NXPH1: variants seen among roughly 807,000 people sequenced by gnomAD.
NXPH1 encodes neurexophilin-1.
A neutral mutation model predicts 23.7 loss-of-function variants in NXPH1; 5 were observed. The observed-to-expected ratio is 0.21, with a 90% CI of 0.11 to 0.44. The LOEUF is 0.44. Among genes scored for constraint, NXPH1 ranks in the 20% least tolerant of loss-of-function variants. The pLI is 0.99. For synonymous variants in NXPH1, 144 were observed against 122.2 expected, an observed-to-expected ratio of 1.18 and a Z score of -1.18; for missense variants, 324 against 321.6, an observed-to-expected ratio of 1.01 and a Z score of -0.06.
intron 2 of NXPH1, among the ~76,000 whole-genome samples, chr7:8,512,554 C>A (rs867490163): frequency 5.3e-5 from 8 of 152,114 alleles, no homozygotes; most frequent in Admixed American, 4.6e-4. Context: ...ATTAGTGGTT[C>A]GTATTTGAAT....
intron 2 of NXPH1, among the ~76,000 whole-genome samples, chr7:8,549,573 G>T (rs573668408): frequency 2.0e-5 from 3 of 151,474 alleles, no homozygotes; most frequent in Non-Finnish European, 4.4e-5. Context: ...ATGGAAGAGA[G>T]AATTACTTAT....
In NXPH1 at chr7:8,727,819, G is replaced by A. The variant is rs571317016; in HGVS notation, c.55-23189G>A. Among the ~76,000 whole-genome samples, 823 of 152,010 alleles carry A rather than the reference G, an allele frequency of 5.4e-3. 6 individuals carry two copies. The highest frequency in any genetic ancestry group is 9.4e-3 in the South Asian group (45 of 4,806). On this transcript the variant is annotated intron_variant, in intron 2 of 2. Transcript: ENST00000405863. ...TGGCTTAGGATTGACTTGGTGATGC[G>A]GGCTCTTTTTTGGTTCCATATGAAC...
At chr7:8,462,199 C>T (rs1161146406) in intron 2 of NXPH1, among the ~76,000 whole-genome samples, 2 of 152,106 alleles carry the variant, frequency 1.3e-5, no homozygotes, top group Admixed American at 1.3e-4. Context: ...CAGGCATGCG[C>T]CACCATGCCC....
chr7:8,517,272 G>A (rs1021657098), intron 2 of NXPH1, among the ~76,000 whole-genome samples: 6 of 152,126 alleles, frequency 3.9e-5, no homozygotes, highest in African/African-American at 1.4e-4. Flanking sequence ...TGGAGGCTCA[G>A]AGGTAGAGTT....
At chr7:8,561,119 T>C (rs1818436597) in intron 2 of NXPH1, among the ~76,000 whole-genome samples, 2 of 151,636 alleles carry the variant, frequency 1.3e-5, no homozygotes, top group South Asian at 4.1e-4. Flanking sequence ...CCCAGTAGGA[T>C]AGACAGATGC....
chr7:8,624,864 C>A (rs963248105), intron 2 of NXPH1, among the ~76,000 whole-genome samples: 1 of 152,044 alleles, frequency 6.6e-6, no homozygotes, highest in Non-Finnish European at 1.5e-5. Context: ...CTCCTCAGTG[C>A]AGTTTGGGGA....
intron 2 of NXPH1, among the ~76,000 whole-genome samples, chr7:8,652,874 T>C (rs1325357833): frequency 1.3e-5 from 2 of 152,208 alleles, no homozygotes; most frequent in African/African-American, 4.8e-5. Flanking sequence ...CTTTTTTGTG[T>C]AGCTTATGAA....
rs145341769 is a variant in NXPH1 at position 8,466,854 on chromosome 7, G to A, written c.54+31087G>A. Among the ~76,000 whole-genome samples the A allele has an allele frequency of 2.6e-3, 399 of 151,766 alleles. 1 individual carries two copies. The highest frequency in any genetic ancestry group is 0.01 in the Middle Eastern group (3 of 294). On this transcript the variant is annotated intron_variant, in intron 2 of 2. Transcript: ENST00000405863. ...CATTTTGTGGTTGGGAGGTGGTATA[G>A]GATAGTGGTAATGAGCACAGGGTCT...
intron 2 of NXPH1, among the ~76,000 whole-genome samples, chr7:8,582,319 G>T (rs76884061): frequency 2.6e-5 from 4 of 152,184 alleles, no homozygotes; most frequent in Non-Finnish European, 5.9e-5. Context: ...CCCTGTTTGC[G>T]TTATAGCTCT....
At chr7:8,677,874 G>A (rs1015825248) in intron 2 of NXPH1, among the ~76,000 whole-genome samples, 5 of 151,820 alleles carry the variant, frequency 3.3e-5, no homozygotes, top group Non-Finnish European at 7.4e-5. Flanking sequence ...TTTTGTCACC[G>A]AAGTAATTAG....
intron 2 of NXPH1, among the ~76,000 whole-genome samples, chr7:8,451,919 C>A (rs370895610): frequency 1.6e-4 from 24 of 152,264 alleles, no homozygotes; most frequent in South Asian, 4.1e-4. Context: ...GACTTGGGTG[C>A]ATAGGGTTCA....
chr7:8,662,609 G>C (rs1330062313), intron 2 of NXPH1, among the ~76,000 whole-genome samples: 1 of 151,926 alleles, frequency 6.6e-6, no homozygotes, highest in Non-Finnish European at 1.5e-5. Flanking sequence ...TCAAGTCTGG[G>C]TGAGTAGTAG....
intron 2 of NXPH1, among the ~76,000 whole-genome samples, chr7:8,569,019 G>A (rs1818600352): frequency 6.6e-6 from 1 of 151,840 alleles, no homozygotes; most frequent in African/African-American, 2.4e-5. Context: ...GACAATATAA[G>A]TCTATGAATT....
At chr7:8,493,574 G>A (rs1318873300) in intron 2 of NXPH1, among the ~76,000 whole-genome samples, 1 of 152,050 alleles carries the variant, frequency 6.6e-6, no homozygotes, top group Non-Finnish European at 1.5e-5. Flanking sequence ...AAACTTCATT[G>A]TTATATGACT....
At chr7:8,511,198 A>G (rs568670942) in intron 2 of NXPH1, among the ~76,000 whole-genome samples, 1 of 152,286 alleles carries the variant, frequency 6.6e-6, no homozygotes, top group Admixed American at 6.5e-5. Context: ...TAGTGATAAC[A>G]GGCAATCTGG....
At chr7:8,656,248 G>A (rs1040608452) in intron 2 of NXPH1, among the ~76,000 whole-genome samples, 4 of 152,254 alleles carry the variant, frequency 2.6e-5, no homozygotes, top group African/African-American at 7.2e-5. Flanking sequence ...ATGAGTAAGC[G>A]TTACTTGCTT....
intron 2 of NXPH1, among the ~76,000 whole-genome samples, chr7:8,524,954 G>A (rs1817839365): frequency 6.6e-6 from 1 of 152,186 alleles, no homozygotes. Flanking sequence ...TAGGAGTGGG[G>A]TATCACTGAA....
At chr7:8,723,932 C>G (rs989876301) in intron 2 of NXPH1, among the ~76,000 whole-genome samples, 1 of 152,180 alleles carries the variant, frequency 6.6e-6, no homozygotes, top group Non-Finnish European at 1.5e-5. Flanking sequence ...AAGCTAGAGA[C>G]ATAGACACAT....
intron 2 of NXPH1, among the ~76,000 whole-genome samples, chr7:8,510,782 G>C (rs1490788043): frequency 6.6e-6 from 1 of 151,934 alleles, no homozygotes; most frequent in Non-Finnish European, 1.5e-5. Flanking sequence ...TCTGTTATAG[G>C]TTCAAACTGA....
Sources: gnomAD v4.1 joint callset for allele counts (sites outside exome capture counted in the v4.1 genomes callset) on GRCh38, gnomAD v4.1.1 for gene constraint, MANE v1.5 for transcripts, NCBI Gene and HGNC (gene_info 2026-07-23, HGNC 2026-07-21) for gene names.